ADAMTS19: variants seen among roughly 807,000 people sequenced by gnomAD.
ADAMTS19 encodes ADAM metallopeptidase with thrombospondin type 1 motif 19.
In ADAMTS19, 93 loss-of-function variants were observed where a neutral mutation model predicts 153.3. The observed-to-expected ratio is 0.61, with a 90% CI of 0.51 to 0.72. The LOEUF is 0.72. Ranked by LOEUF, ADAMTS19 falls within the 30% of genes least tolerant of loss-of-function variation. The pLI is 0.00. For synonymous variants in ADAMTS19, 600 were observed against 556.6 expected (o/e 1.08, Z -1.10); for missense variants, 1,482 against 1,552.1 (o/e 0.95, Z 0.76).
At chr5:129,649,057 A>G in intron 13 of ADAMTS19, 87 bp downstream of exon 13, 2 of 1,259,040 alleles carry the variant, frequency 1.6e-6, no homozygotes, top group Non-Finnish European at 2.2e-6. Context: ...TATTTTACCT[A>G]TTATCTTCAA....
Position 129,461,515 on chromosome 5 carries a change from G to A in ADAMTS19, c.505G>A (p.Asp169Asn). Residue 169 changes from aspartate (D) to asparagine (N), a missense_variant, in exon 2 of 23, where the codon GAC becomes AAC. Asp to Asn is a conservative substitution (Grantham distance 23). Around this residue, in one of 2 missense-constraint regions of ADAMTS19, gnomAD observed 866 missense variants for 827.7 expected, o/e 1.05. Transcript: ENST00000274487. The surrounding 1 kb of genome is among the most constrained non-coding windows in gnomAD (Gnocchi z 4.6). ...GGCCCAGCATGCCGAGCCGGATGGC[G>A]ACGAAGTGTTGCTGCGGATCCCGGC... The part of the protein sequence containing the change: ...PPAQHAEPDG[D>N]EVLLRIPAFS... 6.6e-7 allele frequency: 1 copy of A among 1,517,630 alleles called. No individual in the cohort carries two copies. Among genetic ancestry groups the A allele is most frequent in the Non-Finnish European group, 8.8e-7 (1 of 1,140,524 alleles). The allele number at this position is 1,517,630 out of a possible 1,614,324, so 94.0% of individuals were successfully genotyped here. A position where few individuals can be genotyped will look rare whatever the true frequency, so the allele number is the denominator to read the frequency against.
At chr5:129,608,363 TG>T (rs1215470941) in intron 8 of ADAMTS19, among the ~76,000 whole-genome samples, 2 of 151,714 alleles carry the variant, frequency 1.3e-5, no homozygotes, top group Non-Finnish European at 2.9e-5. Context: ...GGGGAGATAC[TG>T]GTCAAAGGGT....
At chr5:129,471,389 A>G (rs936274058) in intron 2 of ADAMTS19, among the ~76,000 whole-genome samples, 3 of 150,768 alleles carry the variant, frequency 2.0e-5, no homozygotes, top group African/African-American at 7.3e-5. Flanking sequence ...AAAGACAGAG[A>G]AAGAGAGGGA....
chr5:129,689,380 T>G (rs926871329), intron 18 of ADAMTS19, among the ~76,000 whole-genome samples: 1 of 152,130 alleles, frequency 6.6e-6, no homozygotes, highest in African/African-American at 2.4e-5. Flanking sequence ...CTAGAATATA[T>G]TTAACAGGAA....
chr5:129,516,953 T>A (rs1354360552), intron 3 of ADAMTS19, among the ~76,000 whole-genome samples: 1 of 149,006 alleles, frequency 6.7e-6, no homozygotes. Context: ...TTTGGCTGAA[T>A]CCCAAAGGTT....
intron 6 of ADAMTS19, 147 bp downstream of exon 6, chr5:129,528,824 A>G (rs1230151666): frequency 1.4e-5 from 8 of 585,184 alleles, no homozygotes; most frequent in Non-Finnish European, 1.9e-5. Flanking sequence ...ATCTCCCTCA[A>G]ATCATAATAA....
At chr5:129,511,789 CT>C (rs927481940) in intron 3 of ADAMTS19, among the ~76,000 whole-genome samples, 1 of 151,878 alleles carries the variant, frequency 6.6e-6, no homozygotes, top group Non-Finnish European at 1.5e-5. Flanking sequence ...GGGAAGTTTA[CT>C]TTCTCTCTCA....
intron 10 of ADAMTS19, among the ~76,000 whole-genome samples, chr5:129,624,382 C>G (rs1374227911): frequency 2.0e-5 from 3 of 152,102 alleles, no homozygotes; most frequent in African/African-American, 7.2e-5. Context: ...AGTCTGGTCA[C>G]AATCCTCTTT....
intron 2 of ADAMTS19, among the ~76,000 whole-genome samples, chr5:129,472,874 A>C (rs1260396889): frequency 6.6e-6 from 1 of 151,376 alleles, no homozygotes; most frequent in Non-Finnish European, 1.5e-5. Context: ...GAAGAAATAT[A>C]CCTTCAGACT....
At position 129,661,495 on chromosome 5, in the gene ADAMTS19, C is replaced by G. The variant is rs114797447; in HGVS notation, c.2425+2758C>G. ...AGAATTTTTTGAAGGCCATACAGCC[C>G]TGTTTGTCCAGTTGGCCACGCACGT... On this transcript the variant is annotated intron_variant, in intron 15 of 22. Transcript: ENST00000274487. 6.6e-3 allele frequency among the ~76,000 whole-genome samples: 1,012 copies of G among 152,278 alleles called. 12 individuals carry two copies. Among genetic ancestry groups the G allele is most frequent in the African/African-American group, 0.022 (930 of 41,558 alleles).
chr5:129,506,826 A>G (rs1180255878), intron 2 of ADAMTS19, among the ~76,000 whole-genome samples: 2 of 151,922 alleles, frequency 1.3e-5, no homozygotes, highest in African/African-American at 2.4e-5. Context: ...TCAGAGCATT[A>G]CCCATGATAA....
At chr5:129,602,876 T>A (rs1185764452) in intron 8 of ADAMTS19, among the ~76,000 whole-genome samples, 4 of 150,492 alleles carry the variant, frequency 2.7e-5, no homozygotes, top group African/African-American at 9.9e-5. Context: ...GTTTAACACT[T>A]TAAGCCATCT....
chr5:129,684,331 T>A lies in ADAMTS19; in HGVS notation c.2818+58T>A. On this transcript the variant is annotated intron_variant, in intron 18 of 22. Coordinates refer to ENST00000274487, the MANE Select transcript of ADAMTS19 (RefSeq NM_133638.6). ...ACATCAGTTGTTTTCTGATTAAGCA[T>A]TGATAATTAAGACATATCCAAAATC... 6 of 1,580,664 alleles carry A rather than the reference T, an allele frequency of 3.8e-6. No individual in the cohort carries two copies. In the South Asian group the frequency reaches 5.8e-5, roughly 15 times the overall value.
At chr5:129,587,512 G>C (rs759235705) in intron 7 of ADAMTS19, among the ~76,000 whole-genome samples, 3 of 152,046 alleles carry the variant, frequency 2.0e-5, no homozygotes, top group African/African-American at 4.8e-5. Flanking sequence ...TATTATATAG[G>C]AGAAATGATT....
intron 6 of ADAMTS19, among the ~76,000 whole-genome samples, chr5:129,544,944 A>C (rs1378815977): frequency 6.6e-6 from 1 of 152,142 alleles, no homozygotes; most frequent in African/African-American, 2.4e-5. Context: ...CACTTAGTGA[A>C]AGCATATGCA....
chr5:129,719,972 A>G (rs1019907994), intron 21 of ADAMTS19, among the ~76,000 whole-genome samples: 2 of 152,068 alleles, frequency 1.3e-5, no homozygotes, highest in African/African-American at 4.8e-5. Flanking sequence ...CCTGGGAGGC[A>G]GAGATTGCAG....
chr5:129,522,322 C>T (rs1206757804), intron 3 of ADAMTS19, among the ~76,000 whole-genome samples: 33 of 97,652 alleles, frequency 3.4e-4, no homozygotes, highest in African/African-American at 1.3e-3. Context: ...TATATACACA[C>T]ACACACACAC....
intron 6 of ADAMTS19, 87 bp downstream of exon 6, chr5:129,528,764 T>C: frequency 9.1e-7 from 1 of 1,103,288 alleles, no homozygotes; most frequent in Non-Finnish European, 1.3e-6. Context: ...ATAATGTTTT[T>C]ATTTCAGATT....
intron 21 of ADAMTS19, among the ~76,000 whole-genome samples, chr5:129,720,429 T>C (rs575516156): frequency 3.9e-5 from 6 of 152,190 alleles, no homozygotes; most frequent in African/African-American, 9.6e-5. Context: ...CCCAAAATGC[T>C]GGAATTACAG....
Sources: gnomAD v4.1 joint callset for allele counts (sites outside exome capture counted in the v4.1 genomes callset) on GRCh38, gnomAD v4.1.1 for gene constraint, gnomAD v4.1.1 regional missense constraint, Gnocchi (gnomAD v3.1) non-coding constraint, MANE v1.5 for transcripts, NCBI Gene and HGNC (gene_info 2026-07-23, HGNC 2026-07-21) for gene names.